The following KIF1C variants were observed in gnomAD, a reference collection of about 807,000 sequenced individuals.
The protein encoded by KIF1C is kinesin-like protein KIF1C.
Under a neutral mutation model 126.5 loss-of-function variants are expected in KIF1C, and 61 were observed. The observed-to-expected ratio is 0.48, with a 90% CI of 0.39 to 0.60. KIF1C has a LOEUF of 0.60. Among genes scored for constraint, KIF1C ranks in the 20% least tolerant of loss-of-function variants. The pLI is 0.00. For missense variants in KIF1C, 1,315 were observed against 1,489.2 expected (o/e 0.88, Z 1.93); for synonymous variants, 640 against 580.6 (o/e 1.10, Z -1.47).
intron 14 of KIF1C, 47 bp downstream of exon 14, chr17:5,007,131 G>A: frequency 6.3e-7 from 1 of 1,580,314 alleles, no homozygotes; most frequent in South Asian, 1.2e-5. Context: ...GCATTCCTGG[G>A]AGTTTACTTC....
At chr17:5,010,247 T>G (rs1974831827) in intron 16 of KIF1C, among the ~76,000 whole-genome samples, 1 of 152,152 alleles carries the variant, frequency 6.6e-6, no homozygotes, top group Non-Finnish European at 1.5e-5. Context: ...TTTTAAAGCT[T>G]CCTTTATTTT....
rs145488292 is a variant in KIF1C at position 5,027,246 on chromosome 17, A to T, written c.*3095A>T. ...TGGGTTCAAGCGATTCTCCTGCCTCAGCCTCCTGAGTAGCTAGGATTACAG... is the reference window on the plus strand; with the variant it reads ...TGGGTTCAAGCGATTCTCCTGCCTCTGCCTCCTGAGTAGCTAGGATTACAG... On this transcript the variant is annotated 3_prime_UTR_variant, in exon 23 of 23. Coordinates refer to ENST00000320785, the MANE Select transcript of KIF1C (RefSeq NM_006612.6). 7.9e-3 allele frequency: 1,204 copies of T among 152,348 alleles called. 10 individuals are homozygous for T. Among genetic ancestry groups the T allele is most frequent in the African/African-American group, 0.027 (1,131 of 41,542 alleles). 9.4% of individuals were successfully genotyped at this position (152,348 alleles called of 1,614,324 possible). A position where few individuals can be genotyped will look rare whatever the true frequency, so the allele number is the denominator to read the frequency against.
Position 5,002,733 on chromosome 17 carries a change from C to T in KIF1C, c.611C>T (p.Thr204Ile). The T allele has an allele frequency of 1.9e-6, 3 of 1,614,056 alleles. No individual in the cohort carries two copies. Among genetic ancestry groups the T allele is most frequent in the East Asian group, 2.2e-5 (1 of 44,866 alleles). The change falls in exon 8 of 23, where the codon ACT becomes ATT. Residue 204 changes from threonine to isoleucine, a missense_variant and splice_region_variant. This residue lies in a region of KIF1C where 874 missense variants were observed against 1,053.2 expected (regional missense o/e 0.83). Coordinates refer to ENST00000320785, the MANE Select transcript of KIF1C (RefSeq NM_006612.6). ...DLMDCGNKAR[T>I]VAATNMNETS... ...GTGACTGCTTTCTTTACCCTAAGGA[C>T]TGTGGCTGCCACCAACATGAATGAG... is the stretch of plus-strand genomic sequence containing the variant.
chr17:5,001,208 C>T lies in KIF1C; in HGVS notation c.184-14C>T, dbSNP rs1175463396. The T allele has an allele frequency of 1.2e-6, 2 of 1,613,062 alleles. No individual in the cohort carries two copies. Among genetic ancestry groups the T allele is most frequent in the Admixed American group, 3.3e-5 (2 of 59,930 alleles). The stretch of plus-strand genomic sequence containing the variant: ...AGGGTTACTCTGTTTTTCTCTGCCC[C>T]CACTTTCTCCTAGACGGAGGACCCC... On this transcript the variant is annotated splice_polypyrimidine_tract_variant and intron_variant, in intron 4 of 22. Coordinates refer to ENST00000320785, the MANE Select transcript of KIF1C (RefSeq NM_006612.6).
Position 5,023,714 on chromosome 17 carries a change from G to T in KIF1C, c.2875G>T (p.Gly959Cys), listed in dbSNP as rs1477435318. The change falls in exon 23 of 23, where the codon GGC (glycine) becomes TGC (cysteine). Residue 959 changes from glycine to cysteine, a missense_variant. Transcript: ENST00000320785. The surrounding 1 kb of genome is among the most constrained non-coding windows in gnomAD (Gnocchi z 4.2). ...GGGACTGCAGGGCTCTGGGGGCCGGGGCGGGGGGCTGCGCAGGCCCCCAGC... is the reference window on the plus strand; with the variant it reads ...GGGACTGCAGGGCTCTGGGGGCCGGTGCGGGGGGCTGCGCAGGCCCCCAGC... ...LQGLQGSGGRGGGLRRPPARF... is the reference protein window; with the variant it reads ...LQGLQGSGGRCGGLRRPPARF... The T allele has an allele frequency of 5.1e-6, 8 of 1,554,694 alleles. No individual in the cohort carries two copies. Among genetic ancestry groups the T allele is most frequent in the Non-Finnish European group, 6.9e-6 (8 of 1,152,668 alleles).
In KIF1C at chr17:5,022,548, G is replaced by C; in HGVS notation, c.2467G>C (p.Glu823Gln). 1 of 1,588,088 alleles carries C rather than the reference G, an allele frequency of 6.3e-7. No individual in the cohort carries two copies. The highest frequency in any genetic ancestry group is 2.3e-5 in the East Asian group (1 of 43,710). The change falls in exon 22 of 23, where the codon GAG (glutamate) becomes CAG (glutamine). Residue 823 changes from glutamate (E) to glutamine (Q), a missense_variant. Glu to Gln is a conservative substitution (Grantham distance 29). Around this residue, in one of 2 missense-constraint regions of KIF1C, gnomAD observed 441 missense variants for 436.1 expected, o/e 1.01. Transcript: ENST00000320785. The surrounding 1 kb of genome is among the most constrained non-coding windows in gnomAD (Gnocchi z 4.9). ...GGAGSGGGSE[E>Q]GARGAEVEDL... ...AGCTGGCAGTGGTGGTGGCAGTGAGGAGGGAGCCCGAGGGGCGGAGGTGGA... is the reference window on the plus strand; with the variant it reads ...AGCTGGCAGTGGTGGTGGCAGTGAGCAGGGAGCCCGAGGGGCGGAGGTGGA...
Position 5,024,534 on chromosome 17 carries a change from TGTCC to T in KIF1C, c.*387_*390del, listed in dbSNP as rs1975172762. The T allele has an allele frequency of 1.6e-5, 3 of 193,362 alleles. No homozygotes were observed. Among genetic ancestry groups the T allele is most frequent in the Non-Finnish European group, 2.1e-5 (2 of 94,996 alleles). 12.0% of individuals were successfully genotyped at this position (193,362 alleles called of 1,614,324 possible). On this transcript the variant is annotated 3_prime_UTR_variant, in exon 23 of 23. Coordinates refer to ENST00000320785, the MANE Select transcript of KIF1C (RefSeq NM_006612.6). ...AGTGAGGCAAGTTCTCCCCAGCCCC[TGTCC>T]GTCTGTCTGTCTGTCTGTGGTGGTT...
chr17:5,009,711 C>G (rs1974817753), intron 16 of KIF1C, among the ~76,000 whole-genome samples: 1 of 150,098 alleles, frequency 6.7e-6, no homozygotes. Flanking sequence ...TGACATGAAC[C>G]CGGGAGGCAG....
At chr17:5,017,172 C>T (rs929141980) in intron 18 of KIF1C, among the ~76,000 whole-genome samples, 1 of 152,026 alleles carries the variant, frequency 6.6e-6, no homozygotes, top group Non-Finnish European at 1.5e-5. Flanking sequence ...GGGCAAGGAG[C>T]TACAGTGCGG....
At chr17:5,007,377 T>C (rs1974760164) in intron 15 of KIF1C, 35 bp downstream of exon 15, 12 of 1,609,056 alleles carry the variant, frequency 7.5e-6, no homozygotes, top group Non-Finnish European at 9.3e-6. Flanking sequence ...CTGGGTGGAG[T>C]TGGAGGCCAT....
In KIF1C at chr17:5,003,623, C is replaced by G. The variant is rs139697370; in HGVS notation, c.732C>G (p.Ile244Met). The change falls in exon 9 of 23, where the codon ATC becomes ATG. Residue 244 changes from isoleucine to methionine, a missense_variant. Around this residue, in one of 2 missense-constraint regions of KIF1C, gnomAD observed 874 missense variants for 1,053.2 expected, o/e 0.83. Transcript: ENST00000320785. ...TCCTCTGACCCCAGGTCAGTAAGAT[C>G]AGTTTGGTGGACCTTGCTGGGAGTG... ...TGLDSEKVSK[I>M]SLVDLAGSER... 3.3e-4 allele frequency: 528 copies of G among 1,613,050 alleles called. 1 individual carries two copies. The African/African-American group carries it at 4.8e-3, about 15-fold the overall frequency.
At chr17:5,012,455 G>T (rs747688810) in intron 16 of KIF1C, among the ~76,000 whole-genome samples, 1 of 152,098 alleles carries the variant, frequency 6.6e-6, no homozygotes, top group Non-Finnish European at 1.5e-5. Flanking sequence ...TCAGGGGTCC[G>T]CTGAGTGGAA....
Position 5,000,370 on chromosome 17 carries a change from G to C in KIF1C, c.106+18G>C, listed in dbSNP as rs982235066. 1 of 1,517,092 alleles carries C rather than the reference G, an allele frequency of 6.6e-7. No individual in the cohort carries two copies. The highest frequency in any genetic ancestry group is 2.4e-5 in the East Asian group (1 of 41,110). The allele number at this position is 1,517,092 out of a possible 1,614,324, so 94.0% of individuals were successfully genotyped here. On this transcript the variant is annotated intron_variant, in intron 3 of 22. Coordinates refer to ENST00000320785, the MANE Select transcript of KIF1C (RefSeq NM_006612.6). ...CACCACCTGTGAGTGAGTCCCCGGG[G>C]CCTGGCTGGGCACAGGCAGGGAAGG...
rs1307341085 is a variant in KIF1C, at chr17:5,025,321, T to TA, written c.*1171dup. ...TGCTTAACTGGCTGTTGCTGACAGATACAGAAGGATTTGTGGGGTACAGAG... is the reference window on the plus strand; with the variant it reads ...TGCTTAACTGGCTGTTGCTGACAGATAACAGAAGGATTTGTGGGGTACAGAG... On this transcript the variant is annotated 3_prime_UTR_variant, in exon 23 of 23. Transcript: ENST00000320785. 3 of 152,262 alleles carry TA rather than the reference T, an allele frequency of 2.0e-5. No homozygotes were observed. The highest frequency in any genetic ancestry group is 2.1e-4 in the South Asian group (1 of 4,832). 9.4% of individuals were successfully genotyped at this position (152,262 alleles called of 1,614,324 possible).
intron 13 of KIF1C, among the ~76,000 whole-genome samples, chr17:5,005,242 T>A (rs769587072): frequency 2.6e-5 from 4 of 152,242 alleles, no homozygotes; most frequent in Non-Finnish European, 4.4e-5. Flanking sequence ...CTCCTGGAAG[T>A]AATGAAATGA....
In KIF1C at chr17:5,020,307, T is replaced by C. The variant is rs900750473; in HGVS notation, c.1751-185T>C. Among the ~76,000 whole-genome samples, 1 of 152,156 alleles carries C rather than the reference T, an allele frequency of 6.6e-6. No individual in the cohort carries two copies. Among genetic ancestry groups the C allele is most frequent in the African/African-American group, 2.4e-5 (1 of 41,424 alleles). ...GCCAAGCTCTTGCAATTCCCTTTGG[T>C]TGACAAGAATGGGGTTGGTCCCTGG... is the stretch of plus-strand genomic sequence containing the variant. On this transcript the variant is annotated intron_variant, in intron 19 of 22. Transcript: ENST00000320785. This position sits in a 1 kb window ranked among gnomAD's most constrained non-coding sequence, Gnocchi z 5.8.
In KIF1C at chr17:5,007,060, T is replaced by C; in HGVS notation, c.1311T>C (p.Pro437=). The C allele has an allele frequency of 1.3e-6, 2 of 1,598,948 alleles. No individual in the cohort carries two copies. Among genetic ancestry groups the C allele is most frequent in the African/African-American group, 1.4e-5 (1 of 73,596 alleles). ...CCAACACGGAGTCCCAGATTGGGCC[T>C]GAGGAAGCCATGGAGAGGCTGCAGG... ...FSPNTESQIG[P]EEAMERLQET... is the part of the protein sequence containing the mutation. Residue 437 remains proline, a synonymous_variant, in exon 14 of 23, where the codon CCT becomes CCC. Transcript: ENST00000320785.
chr17:5,001,962 A>T, intron 5 of KIF1C, 97 bp from the exon 6 acceptor site: 2 of 1,099,242 alleles, frequency 1.8e-6, no homozygotes, highest in Non-Finnish European at 2.8e-6. Context: ...AGCAAGGGTT[A>T]AATGGGGTCA....
rs185988048 is a variant in KIF1C at position 5,005,177 on chromosome 17, G to A, written c.1165+177G>A. Among the ~76,000 whole-genome samples the A allele has an allele frequency of 2.4e-4, 36 of 152,368 alleles. No homozygotes were observed. In the East Asian group the frequency reaches 4.1e-3, roughly 17 times the overall value. ...AACGTATGTCTTCAGATGTTACAGA[G>A]CTGGGAGGGACTAATTCTCTAGGAG... is the stretch of plus-strand genomic sequence containing the variant. On this transcript the variant is annotated intron_variant, in intron 13 of 22. Coordinates refer to ENST00000320785, the MANE Select transcript of KIF1C (RefSeq NM_006612.6).
Sources: gnomAD v4.1 joint callset for allele counts (sites outside exome capture counted in the v4.1 genomes callset) on GRCh38, gnomAD v4.1.1 for gene constraint, gnomAD v4.1.1 regional missense constraint, Gnocchi (gnomAD v3.1) non-coding constraint, MANE v1.5 for transcripts, NCBI Gene and HGNC (gene_info 2026-07-23, HGNC 2026-07-21) for gene names.